The following FBXO36 variants were observed in gnomAD, a reference collection of about 807,000 sequenced individuals.
FBXO36 encodes the protein F-box protein 36, also known as F-box only protein 36.
In FBXO36, 18 loss-of-function variants were observed where a neutral mutation model predicts 17.0. That is an observed-to-expected ratio of 1.06 (90% CI 0.73 to 1.57). The LOEUF (loss-of-function observed/expected upper bound fraction) is 1.57, where lower values mean the gene tolerates loss of function less well. Ranked by LOEUF, FBXO36 falls within the 40% of genes most tolerant of loss-of-function variation. The probability of loss-of-function intolerance (pLI) is 0.00; values close to 1 mark genes in which losing one functional copy is unlikely to be tolerated. For synonymous variants in FBXO36, 83 were observed against 85.3 expected, an observed-to-expected ratio of 0.97 and a Z score of 0.15; for missense variants, 229 against 221.9, an observed-to-expected ratio of 1.03 and a Z score of -0.20.
chr2:229,962,518 ATTTTATTTTAT>A (rs2077128126), intron 1 of FBXO36, among the ~76,000 whole-genome samples: 1 of 147,316 alleles, frequency 6.8e-6, no homozygotes, highest in African/African-American at 2.5e-5. Context: ...ATTTTATTTT[ATTTTATTTTAT>A]TTTATTTTAT....
At chr2:229,944,586 C>CTTTTTT (rs2077016656) in intron 1 of FBXO36, among the ~76,000 whole-genome samples, 1 of 123,780 alleles carries the variant, frequency 8.1e-6, no homozygotes, top group African/African-American at 2.9e-5. Context: ...TATTTTTTTT[C>CTTTTTT]TTTTTCTTTT....
chr2:229,936,363 C>A (rs1372344896), intron 1 of FBXO36, among the ~76,000 whole-genome samples: 4 of 152,106 alleles, frequency 2.6e-5, no homozygotes, highest in Admixed American at 6.6e-5. Context: ...ATCCCTATTA[C>A]CTAGACCAGC....
chr2:229,943,471 G>C (rs2077010627), intron 1 of FBXO36, among the ~76,000 whole-genome samples: 1 of 152,124 alleles, frequency 6.6e-6, no homozygotes, highest in South Asian at 2.1e-4. Flanking sequence ...GTGTGAAGCT[G>C]AGTCTTTCCA....
chr2:229,995,591 TC>T (rs1305285511), intron 2 of FBXO36, among the ~76,000 whole-genome samples: 140 of 134,442 alleles, frequency 1.0e-3, no homozygotes, highest in African/African-American at 2.0e-3. Flanking sequence ...TCTCTTTCTT[TC>T]TTTCTTTTTT....
At chr2:229,945,042 TGAA>T (rs1345795700) in intron 1 of FBXO36, 3 of 152,196 alleles carry the variant, frequency 2.0e-5, no homozygotes, top group Non-Finnish European at 4.4e-5. Context: ...GAAAATTAAT[TGAA>T]GAAAGAATTT....
intron 3 of FBXO36, among the ~76,000 whole-genome samples, chr2:230,005,514 T>C (rs1302406204): frequency 6.6e-6 from 1 of 152,192 alleles, no homozygotes; most frequent in Non-Finnish European, 1.5e-5. Context: ...TTGCTAAGTG[T>C]AACTATTTAA....
At chr2:229,927,528 A>C (rs1284720300) in intron 1 of FBXO36, among the ~76,000 whole-genome samples, 1 of 152,174 alleles carries the variant, frequency 6.6e-6, no homozygotes, top group African/African-American at 2.4e-5. Flanking sequence ...AAATACTGGA[A>C]AAGTGTTAGA....
chr2:230,007,056 C>G (rs2077390706), intron 3 of FBXO36, among the ~76,000 whole-genome samples: 1 of 152,262 alleles, frequency 6.6e-6, no homozygotes, highest in South Asian at 2.1e-4. Context: ...AACCAGCATA[C>G]TGGAAAGTAG....
intron 1 of FBXO36, among the ~76,000 whole-genome samples, chr2:229,954,580 C>G (rs1377680061): frequency 7.8e-6 from 1 of 127,840 alleles, no homozygotes; most frequent in African/African-American, 2.9e-5. Flanking sequence ...GGGAGTCTCG[C>G]TCTGTCACCC....
intron 3 of FBXO36, among the ~76,000 whole-genome samples, chr2:230,007,855 A>G (rs1237843765): frequency 6.7e-6 from 1 of 149,636 alleles, no homozygotes; most frequent in Non-Finnish European, 1.5e-5. Context: ...CGGCCTCCCA[A>G]AGTTCTGGGA....
chr2:229,940,016 GGTACAGT>G (rs927942934), intron 1 of FBXO36, among the ~76,000 whole-genome samples: 11 of 152,140 alleles, frequency 7.2e-5, no homozygotes, highest in African/African-American at 2.6e-4. Context: ...GGGAGTCCAG[GGTACAGT>G]GTACCGGGAC....
intron 1 of FBXO36, among the ~76,000 whole-genome samples, chr2:229,941,705 T>A (rs759028882): frequency 5.9e-5 from 9 of 151,938 alleles, no homozygotes; most frequent in Non-Finnish European, 1.3e-4. Flanking sequence ...ACAATTAATC[T>A]CACCTTTTAG....
intron 3 of FBXO36, among the ~76,000 whole-genome samples, chr2:230,009,659 T>A (rs1180511338): frequency 6.6e-6 from 1 of 152,046 alleles, no homozygotes; most frequent in Non-Finnish European, 1.5e-5. Flanking sequence ...TAAATACAAC[T>A]TCCGGCCGGG....
chr2:229,940,470 C>T (rs983860598), intron 1 of FBXO36, among the ~76,000 whole-genome samples: 2 of 152,100 alleles, frequency 1.3e-5, no homozygotes, highest in African/African-American at 2.4e-5. Context: ...GCTGTATAAC[C>T]CGTGTACATA....
At chr2:229,946,200 C>T (rs765979425) in intron 1 of FBXO36, among the ~76,000 whole-genome samples, 1 of 152,232 alleles carries the variant, frequency 6.6e-6, no homozygotes, top group Non-Finnish European at 1.5e-5. Flanking sequence ...GGATACAAGC[C>T]AGGTCTTGAT....
chr2:229,963,616 T>C (rs2077136115), intron 1 of FBXO36, among the ~76,000 whole-genome samples: 1 of 151,892 alleles, frequency 6.6e-6, no homozygotes, highest in Admixed American at 6.6e-5. Flanking sequence ...GGCTAATTTT[T>C]TGTATTTTTA....
intron 3 of FBXO36, among the ~76,000 whole-genome samples, chr2:230,003,092 A>T (rs1407515512): frequency 2.6e-5 from 4 of 151,758 alleles, no homozygotes; most frequent in Non-Finnish European, 5.9e-5. Context: ...ATGCGCCTAT[A>T]GTCCCAGCTA....
chr2:230,003,172 C>T (rs531330469), intron 3 of FBXO36, among the ~76,000 whole-genome samples: 4 of 148,506 alleles, frequency 2.7e-5, no homozygotes, highest in South Asian at 2.1e-4. Flanking sequence ...ATCGGGCCAC[C>T]GCACTTTACC....
chr2:229,930,556 G>A (rs922241312), intron 1 of FBXO36, among the ~76,000 whole-genome samples: 1 of 151,936 alleles, frequency 6.6e-6, no homozygotes, highest in African/African-American at 2.4e-5. Context: ...GTCGAGACCA[G>A]CCTAGCCAAC....
Sources: gnomAD v4.1 joint callset for allele counts (sites outside exome capture counted in the v4.1 genomes callset) on GRCh38, gnomAD v4.1.1 for gene constraint, MANE v1.5 for transcripts, NCBI Gene and HGNC (gene_info 2026-07-23, HGNC 2026-07-21) for gene names.